The following NUP107 variants were observed in gnomAD, a reference collection of about 807,000 sequenced individuals.
The protein encoded by NUP107 is nucleoporin 107, also known as nuclear pore complex protein Nup107.
Under a neutral mutation model 141.0 loss-of-function variants are expected in NUP107, and 101 were observed. The ratio of observed to expected loss-of-function variants is 0.72; its 90% confidence interval spans 0.61 to 0.84. The LOEUF is 0.84. Among genes scored for constraint, NUP107 ranks in the 40% least tolerant of loss-of-function variants. The probability of loss-of-function intolerance (pLI) is 0.00; values close to 1 mark genes in which losing one functional copy is unlikely to be tolerated. For missense variants in NUP107, 941 were observed against 1,102.7 expected (o/e 0.85, Z 2.08); for synonymous variants, 319 against 363.9 (o/e 0.88, Z 1.41).
At chr12:68,687,298 G>A in intron 1 of NUP107, 1 of 676,238 alleles carries the variant, frequency 1.5e-6, no homozygotes, top group Non-Finnish European at 2.3e-6. Context: ...TTCCCACTAC[G>A]TTCTGCGATC....
In NUP107 at chr12:68,696,177, AAC is replaced by A. The variant is rs1314330397; in HGVS notation, c.449-638_449-637del. Reference sequence around the variant, plus strand: ...TCAGGAAATCAAGACCATCCTGGCTAACACAGTGAAACCTCGTCTCTACTAAA... The same window carrying A: ...TCAGGAAATCAAGACCATCCTGGCTAACAGTGAAACCTCGTCTCTACTAAA... On this transcript the variant is annotated intron_variant, in intron 5 of 27. Coordinates refer to ENST00000229179, the MANE Select transcript of NUP107 (RefSeq NM_020401.4). 6.6e-5 allele frequency among the ~76,000 whole-genome samples: 10 copies of A among 150,698 alleles called. No homozygotes were observed. The Admixed American group carries it at 6.6e-4, about 10-fold the overall frequency.
intron 6 of NUP107, among the ~76,000 whole-genome samples, chr12:68,698,234 T>G (rs1429998835): frequency 1.3e-5 from 2 of 151,920 alleles, no homozygotes; most frequent in African/African-American, 2.4e-5. Flanking sequence ...CTGGGCAGCA[T>G]AGCAAAACCC....
At position 68,715,713 on chromosome 12, in the gene NUP107, T is replaced by C. The variant is rs149755605; in HGVS notation, c.1056T>C (p.Thr352=). 2 of 1,610,102 alleles carry C rather than the reference T, an allele frequency of 1.2e-6. No individual in the cohort carries two copies. The highest frequency in any genetic ancestry group is 1.7e-6 in the Non-Finnish European group (2 of 1,176,518). Residue 352 remains threonine (T), a synonymous_variant, in exon 12 of 28, where the codon ACT becomes ACC. Coordinates refer to ENST00000229179, the MANE Select transcript of NUP107 (RefSeq NM_020401.4). ...TTAGATTACTCAAATATCTCTTTAC[T>C]CTAATCCGTGCTGGAATGACAGAAG... ...DEVRLLKYLF[T]LIRAGMTEEA...
chr12:68,731,319 G>C lies in NUP107; in HGVS notation c.1885+59G>C, dbSNP rs929101771. 11 of 1,487,340 alleles carry C rather than the reference G, an allele frequency of 7.4e-6. No homozygotes were observed. The South Asian group carries it at 1.1e-4, about 14-fold the overall frequency. 92.1% of individuals were successfully genotyped at this position (1,487,340 alleles called of 1,614,324 possible). A position where few individuals can be genotyped will look rare whatever the true frequency, so the allele number is the denominator to read the frequency against. On this transcript the variant is annotated intron_variant, in intron 21 of 27. Coordinates refer to ENST00000229179, the MANE Select transcript of NUP107 (RefSeq NM_020401.4). ...TTCTAGGCAAATGTTCATTTTGGCT[G>C]TAGTAACATTTGTCCTTATAGTTTT...
chr12:68,718,593 C>T (rs1290043158), intron 12 of NUP107, among the ~76,000 whole-genome samples: 3 of 151,762 alleles, frequency 2.0e-5, no homozygotes, highest in Non-Finnish European at 4.4e-5. Context: ...GCCGTGGGAA[C>T]GTATTGTTAA....
intron 11 of NUP107, among the ~76,000 whole-genome samples, chr12:68,714,627 CTTCCT>C (rs1181174675): frequency 6.6e-6 from 1 of 152,164 alleles, no homozygotes; most frequent in Non-Finnish European, 1.5e-5. Flanking sequence ...GTAAGAATTA[CTTCCT>C]TTCTTGAGTC....
chr12:68,730,207 A>G (rs1189355057), intron 20 of NUP107, among the ~76,000 whole-genome samples: 1 of 75,962 alleles, frequency 1.3e-5, no homozygotes, highest in Non-Finnish European at 3.0e-5. Context: ...CTCAGGGGTG[A>G]TACTACCTTT....
In NUP107 at chr12:68,734,757, C is replaced by T. The variant is rs745572926; in HGVS notation, c.2312C>T (p.Pro771Leu). Residue 771 changes from proline to leucine, a missense_variant, in exon 25 of 28, where the codon CCA (proline) becomes CTA (leucine). Transcript: ENST00000229179. ...TGGTTTAAGCATATGAATTCAGTTC[C>T]ACAAAAACCTGCTTTGATACCTCAA... is the stretch of plus-strand genomic sequence containing the variant. ...NEWFKHMNSV[P>L]QKPALIPQPT... is the part of the protein sequence containing the mutation. 1 of 1,613,232 alleles carries T rather than the reference C, an allele frequency of 6.2e-7. No individual in the cohort carries two copies. Among genetic ancestry groups the T allele is most frequent in the South Asian group, 1.1e-5 (1 of 91,004 alleles).
chr12:68,695,180 A>C (rs1875991461), intron 5 of NUP107, among the ~76,000 whole-genome samples: 1 of 152,256 alleles, frequency 6.6e-6, no homozygotes, highest in Non-Finnish European at 1.5e-5. Flanking sequence ...TGGAATGTAA[A>C]ATAGTACAGC....
chr12:68,691,301 T>C (rs1188015789), intron 4 of NUP107, among the ~76,000 whole-genome samples: 2 of 152,186 alleles, frequency 1.3e-5, no homozygotes, highest in Admixed American at 6.6e-5. Flanking sequence ...CATGCTGTGG[T>C]TGGTTGCTGA....
intron 12 of NUP107, among the ~76,000 whole-genome samples, chr12:68,717,055 G>A (rs1877146422): frequency 6.6e-6 from 1 of 151,898 alleles, no homozygotes; most frequent in African/African-American, 2.4e-5. Context: ...ACGCCTCCAC[G>A]CCTGGCTAAT....
At chr12:68,738,842 G>A (rs1565705688) in intron 26 of NUP107, among the ~76,000 whole-genome samples, 1 of 152,138 alleles carries the variant, frequency 6.6e-6, no homozygotes, top group Non-Finnish European at 1.5e-5. Flanking sequence ...AGATGGACTA[G>A]TGACCCTTTC....
chr12:68,721,228 TA>T, intron 15 of NUP107, 51 bp downstream of exon 15: 1 of 1,165,164 alleles, frequency 8.6e-7, no homozygotes. Flanking sequence ...TAAAATTAAA[TA>T]AAATATTCTA....
intron 8 of NUP107, among the ~76,000 whole-genome samples, chr12:68,703,382 C>G (rs900591142): frequency 6.6e-6 from 1 of 151,908 alleles, no homozygotes; most frequent in African/African-American, 2.4e-5. Flanking sequence ...CACTCACATA[C>G]TTGTATACAC....
chr12:68,731,737 G>C lies in NUP107; in HGVS notation c.1998+18G>C, dbSNP rs1214471794. The C allele has an allele frequency of 2.3e-6, 3 of 1,299,740 alleles. No homozygotes were observed. Among genetic ancestry groups the C allele is most frequent in the Non-Finnish European group, 3.2e-6 (3 of 936,374 alleles). The allele number at this position is 1,299,740 out of a possible 1,614,324, so 80.5% of individuals were successfully genotyped here. ...CTACTGAGGTAATTTGGGATGGGGG[G>C]GCAGAGGTTTCTATAACTTCTAATA... On this transcript the variant is annotated intron_variant, in intron 22 of 27. Transcript: ENST00000229179.
chr12:68,725,892 A>T (rs1877545625), intron 18 of NUP107, 96 bp downstream of exon 18: 1 of 651,444 alleles, frequency 1.5e-6, no homozygotes, highest in Non-Finnish European at 2.6e-6. Flanking sequence ...ACTGGAGTGC[A>T]GTGGCTCAGT....
At chr12:68,698,174 T>G (rs960322344) in intron 6 of NUP107, among the ~76,000 whole-genome samples, 1 of 152,116 alleles carries the variant, frequency 6.6e-6, no homozygotes, top group Non-Finnish European at 1.5e-5. Context: ...CCCAACACTT[T>G]GGGAGGCTGA....
chr12:68,740,403 GA>G (rs1288939610), intron 26 of NUP107, among the ~76,000 whole-genome samples: 3 of 152,170 alleles, frequency 2.0e-5, no homozygotes, highest in Non-Finnish European at 4.4e-5. Context: ...CCCTTGTAAA[GA>G]AGCACTTTAA....
rs144848306 is a variant in NUP107, at chr12:68,737,908, G to A, written c.2502+2564G>A. On this transcript the variant is annotated intron_variant, in intron 26 of 27. Transcript: ENST00000229179. ...ATAATCCCAGCACTTTTGGGAGGCC[G>A]AGGAGGGCAGATCACGTGAGGCCAG... is the stretch of plus-strand genomic sequence containing the variant. Among the ~76,000 whole-genome samples the A allele has an allele frequency of 2.4e-3, 371 of 152,174 alleles. 2 individuals are homozygous for A. The highest frequency in any genetic ancestry group is 8.7e-3 in the African/African-American group (362 of 41,526).
Sources: allele counts gnomAD v4.1 joint callset (sites outside exome capture counted in the v4.1 genomes callset), GRCh38; gene constraint gnomAD v4.1.1; transcripts MANE v1.5; gene names NCBI Gene and HGNC (gene_info 2026-07-23, HGNC 2026-07-21).